Variants in XPO7 observed in about 807,000 individuals in gnomAD.
XPO7 encodes exportin-7.
A neutral mutation model predicts 144.3 loss-of-function variants in XPO7; 21 were observed. The observed-to-expected ratio is 0.15, with a 90% CI of 0.10 to 0.21. The LOEUF is 0.21. Ranked by LOEUF, XPO7 falls within the 10% of genes least tolerant of loss-of-function variation. XPO7 has a pLI of 1.00. For missense variants in XPO7, 808 were observed against 1,325.8 expected, an observed-to-expected ratio of 0.61 and a Z score of 6.06; for synonymous variants, 580 against 499.6, an observed-to-expected ratio of 1.16 and a Z score of -2.15.
intron 25 of XPO7, 91 bp from the exon 26 acceptor site, chr8:22,003,128 G>A: frequency 2.1e-6 from 2 of 955,074 alleles, no homozygotes; most frequent in South Asian, 1.7e-5. Context: ...AAGGCCTTCA[G>A]CCTAATATAC....
chr8:21,994,607 T>C (rs1812879224), intron 20 of XPO7, among the ~76,000 whole-genome samples, 156 bp downstream of exon 20: 1 of 152,168 alleles, frequency 6.6e-6, no homozygotes, highest in South Asian at 2.1e-4. Flanking sequence ...GGAAGCCACC[T>C]TATGACAGAC....
chr8:22,002,533 C>CT (rs1383138675), intron 25 of XPO7, among the ~76,000 whole-genome samples: 3 of 152,206 alleles, frequency 2.0e-5, no homozygotes, highest in African/African-American at 7.2e-5. Flanking sequence ...TCACTATCCT[C>CT]TTTCTGTGAA....
intron 1 of XPO7, chr8:21,966,280 C>T (rs752582141): frequency 6.4e-6 from 5 of 780,298 alleles, no homozygotes; most frequent in Non-Finnish European, 1.2e-5. Flanking sequence ...AGAGAGTCTG[C>T]TGAACTTTAG....
At chr8:21,993,791 C>T (rs1011729155) in intron 19 of XPO7, among the ~76,000 whole-genome samples, 26 of 151,940 alleles carry the variant, frequency 1.7e-4, no homozygotes, top group Non-Finnish European at 2.9e-5. Context: ...CTTTGTCTTC[C>T]TCCTGGCAGG....
At chr8:21,978,136 C>T (rs1812287268) in intron 8 of XPO7, among the ~76,000 whole-genome samples, 1 of 152,262 alleles carries the variant, frequency 6.6e-6, no homozygotes, top group African/African-American at 2.4e-5. Context: ...CAGGCTAGCA[C>T]CTGGGGATTC....
intron 1 of XPO7, among the ~76,000 whole-genome samples, chr8:21,963,590 G>A (rs1811793505): frequency 6.6e-6 from 1 of 152,038 alleles, no homozygotes; most frequent in Admixed American, 6.5e-5. Flanking sequence ...AGCTACTCAG[G>A]AGGCTGAGGC....
chr8:21,931,066 A>G (rs2117248164), intron 1 of XPO7, among the ~76,000 whole-genome samples: 1 of 149,380 alleles, frequency 6.7e-6, no homozygotes, highest in South Asian at 2.1e-4. Flanking sequence ...CTAGTCTTGA[A>G]CTCCTGACCT....
At chr8:21,998,942 G>A in intron 22 of XPO7, 105 bp downstream of exon 22, 1 of 1,470,762 alleles carries the variant, frequency 6.8e-7, no homozygotes, top group Non-Finnish European at 9.4e-7. Flanking sequence ...AGCCAGGACA[G>A]CATTCGTATT....
chr8:21,995,714 A>G, intron 21 of XPO7, 115 bp downstream of exon 21: 2 of 742,056 alleles, frequency 2.7e-6, no homozygotes, highest in Non-Finnish European at 4.0e-6. Context: ...ACTGCATTTT[A>G]AAATTCGAAA....
chr8:21,991,804 C>G, intron 18 of XPO7, 64 bp from the exon 19 acceptor site: 5 of 1,320,190 alleles, frequency 3.8e-6, no homozygotes, highest in Non-Finnish European at 4.1e-6. Context: ...ATCCCATCTT[C>G]CCATATATGC....
At chr8:21,920,137 A>T (rs1810224487) in intron 1 of XPO7, among the ~76,000 whole-genome samples, 1 of 118,104 alleles carries the variant, frequency 8.5e-6, no homozygotes, top group African/African-American at 3.3e-5. Context: ...CCCCCCGGTG[A>T]AGCGAGGGGG....
chr8:21,957,896 GC>G (rs1003041141), intron 1 of XPO7, among the ~76,000 whole-genome samples: 1 of 151,328 alleles, frequency 6.6e-6, no homozygotes, highest in African/African-American at 2.4e-5. Context: ...TTTTCCCACT[GC>G]CATGTTTCTT....
At chr8:22,004,938 G>T in intron 27 of XPO7, 57 bp from the exon 28 acceptor site, 1 of 647,190 alleles carries the variant, frequency 1.5e-6, no homozygotes. Flanking sequence ...AAAAAAAAAA[G>T]GCAAATACCT....
intron 19 of XPO7, among the ~76,000 whole-genome samples, chr8:21,993,437 C>T (rs370681272): frequency 1.4e-4 from 21 of 152,122 alleles, no homozygotes; most frequent in African/African-American, 4.8e-4. Flanking sequence ...TTTTGCCAAA[C>T]GTGTCAAGAT....
intron 1 of XPO7, among the ~76,000 whole-genome samples, chr8:21,932,993 A>T (rs924641444): frequency 1.3e-4 from 19 of 151,874 alleles, no homozygotes; most frequent in African/African-American, 4.6e-4. Context: ...GGAAATATTC[A>T]TTGGCATGTG....
chr8:21,981,908 C>T (rs751646749), intron 10 of XPO7, 31 bp downstream of exon 10: 2 of 1,608,026 alleles, frequency 1.2e-6, no homozygotes, highest in Non-Finnish European at 1.7e-6. Context: ...GTCTTCCTTC[C>T]TAAATACTGG....
chr8:21,984,111 A>T (rs937022684), intron 11 of XPO7, among the ~76,000 whole-genome samples: 1 of 152,218 alleles, frequency 6.6e-6, no homozygotes, highest in African/African-American at 2.4e-5. Context: ...AATCCTACTT[A>T]GTATGACCAT....
intron 11 of XPO7, 121 bp downstream of exon 11, chr8:21,982,933 C>G: frequency 8.1e-7 from 1 of 1,231,058 alleles, no homozygotes; most frequent in Non-Finnish European, 1.1e-6. Flanking sequence ...CACTACTGTT[C>G]ATGGTTCTTC....
At chr8:21,986,064 A>G (rs983881375) in intron 13 of XPO7, among the ~76,000 whole-genome samples, 13 of 152,148 alleles carry the variant, frequency 8.5e-5, no homozygotes, top group Non-Finnish European at 1.6e-4. Flanking sequence ...CAGAGTTCCT[A>G]CAGCCTTTCA....
Sources: gnomAD v4.1 joint callset for allele counts (sites outside exome capture counted in the v4.1 genomes callset) on GRCh38, gnomAD v4.1.1 for gene constraint, MANE v1.5 for transcripts, NCBI Gene and HGNC (gene_info 2026-07-23, HGNC 2026-07-21) for gene names.